POLN: variants seen among roughly 807,000 people sequenced by gnomAD.
POLN encodes DNA polymerase N.
In POLN, 108 loss-of-function variants were observed where a neutral mutation model predicts 113.5. The ratio of observed to expected loss-of-function variants is 0.95; its 90% confidence interval spans 0.81 to 1.12. POLN has a LOEUF of 1.12. POLN is among the 50% of genes most tolerant of loss of function. The pLI is 0.00. For synonymous variants in POLN, 386 were observed against 391.5 expected, an observed-to-expected ratio of 0.99 and a Z score of 0.17; for missense variants, 1,097 against 1,077.1, an observed-to-expected ratio of 1.02 and a Z score of -0.26.
chr4:2,090,412 G>A (rs1185264040), intron 20 of POLN: 4 of 614,500 alleles, frequency 6.5e-6, no homozygotes, highest in Non-Finnish European at 1.2e-5. Context: ...CTGATGGTTC[G>A]AAACATAATT....
chr4:2,077,593 A>G (rs1301888743), intron 23 of POLN, among the ~76,000 whole-genome samples: 1 of 152,276 alleles, frequency 6.6e-6, no homozygotes, highest in Non-Finnish European at 1.5e-5. Context: ...GGCCTCAGGC[A>G]GAAGTCTTTG....
At chr4:2,086,656 T>C (rs1356164838) in intron 20 of POLN, among the ~76,000 whole-genome samples, 2 of 152,068 alleles carry the variant, frequency 1.3e-5, no homozygotes, top group Non-Finnish European at 2.9e-5. Context: ...CATGAGAACA[T>C]CATCCCTTGC....
chr4:2,078,697 AAC>A (rs1730334732), intron 23 of POLN: 1 of 985,294 alleles, frequency 1.0e-6, no homozygotes, highest in South Asian at 4.7e-5. Flanking sequence ...ACGTTCACAA[AAC>A]ACAGACCATG....
At chr4:2,161,235 G>C (rs1054758877) in intron 13 of POLN, among the ~76,000 whole-genome samples, 1 of 152,244 alleles carries the variant, frequency 6.6e-6, no homozygotes, top group African/African-American at 2.4e-5. Context: ...GCCAAGGCGG[G>C]AGCCGGCTCC....
chr4:2,102,434 C>T (rs951344751), intron 19 of POLN, among the ~76,000 whole-genome samples: 2 of 152,210 alleles, frequency 1.3e-5, no homozygotes, highest in Non-Finnish European at 2.9e-5. Flanking sequence ...AAGCCCATTG[C>T]AACCACTGCC....
At chr4:2,092,112 C>G (rs34046585) in intron 20 of POLN, among the ~76,000 whole-genome samples, 124 of 152,334 alleles carry the variant, frequency 8.1e-4, no homozygotes, top group African/African-American at 2.9e-3. Flanking sequence ...ACCAGGGACT[C>G]CTGCAGATGC....
Position 2,229,139 on chromosome 4 carries a change from A to C in POLN, c.93T>G (p.Gly31=). 6.2e-7 allele frequency: 1 copy of C among 1,610,890 alleles called. No homozygotes were observed. The highest frequency in any genetic ancestry group is 8.5e-7 in the Non-Finnish European group (1 of 1,177,232). The stretch of plus-strand genomic sequence containing the variant: ...CCCAAGTCTTAGAATCCACTAAATC[A>C]CCTGAATGCATAGCAGACATAATCT... The part of the protein sequence containing the change: ...AQKIMSAMHS[G]DLVDSKTWGK... Residue 31 remains glycine, a synonymous_variant, in exon 3 of 26, where the codon GGT becomes GGG. Transcript: ENST00000511885.
chr4:2,198,347 G>T (rs1404169324), intron 6 of POLN, among the ~76,000 whole-genome samples, 177 bp downstream of exon 6: 1 of 152,160 alleles, frequency 6.6e-6, no homozygotes, highest in Non-Finnish European at 1.5e-5. Context: ...GATACTCTCT[G>T]GGAGAGAGAG....
intron 7 of POLN, among the ~76,000 whole-genome samples, chr4:2,181,104 A>T (rs1436952143): frequency 1.1e-5 from 1 of 87,112 alleles, no homozygotes; most frequent in Non-Finnish European, 1.9e-5. Flanking sequence ...TACTTAAAGT[A>T]AAAAAAAAAA....
intron 5 of POLN, among the ~76,000 whole-genome samples, chr4:2,203,237 C>T (rs1733759438): frequency 6.6e-6 from 1 of 152,124 alleles, no homozygotes; most frequent in Non-Finnish European, 1.5e-5. Context: ...AAATAACCTG[C>T]TCCTGAATGA....
intron 7 of POLN, among the ~76,000 whole-genome samples, chr4:2,179,983 T>C (rs952117861): frequency 2.0e-5 from 3 of 152,130 alleles, no homozygotes; most frequent in Non-Finnish European, 2.9e-5. Context: ...TCACTGAGTG[T>C]TGAACAGGTA....
chr4:2,131,664 C>T (rs1268445571), intron 16 of POLN, among the ~76,000 whole-genome samples: 1 of 152,184 alleles, frequency 6.6e-6, no homozygotes. Context: ...TTTTAGAACA[C>T]ATTTTAAGAT....
At chr4:2,189,638 C>T (rs867540574) in intron 7 of POLN, among the ~76,000 whole-genome samples, 2 of 140,498 alleles carry the variant, frequency 1.4e-5, no homozygotes, top group Non-Finnish European at 3.0e-5. Flanking sequence ...GACTCCATCT[C>T]AAACAAAAAA....
chr4:2,088,692 A>G, intron 20 of POLN: 1 of 916,590 alleles, frequency 1.1e-6, no homozygotes, highest in South Asian at 3.0e-5. Context: ...TACAACAGCC[A>G]TCAAGTTTTC....
At chr4:2,229,287 TAA>T in intron 2 of POLN, 44 bp from the exon 3 acceptor site, 1 of 1,421,192 alleles carries the variant, frequency 7.0e-7, no homozygotes. Flanking sequence ...ATATTAATCC[TAA>T]GACTATAAAA....
At chr4:2,078,986 G>A in intron 23 of POLN, 1 of 935,482 alleles carries the variant, frequency 1.1e-6, no homozygotes. Context: ...CTGGAGTGCA[G>A]TGGTATGATC....
intron 20 of POLN, among the ~76,000 whole-genome samples, chr4:2,095,149 G>T (rs183199349): frequency 2.6e-5 from 4 of 151,720 alleles, no homozygotes; most frequent in African/African-American, 9.7e-5. Flanking sequence ...GTGAGTGGAA[G>T]AGAGTAGAAG....
At chr4:2,104,866 G>T (rs376512497) in intron 19 of POLN, among the ~76,000 whole-genome samples, 3 of 152,188 alleles carry the variant, frequency 2.0e-5, no homozygotes, top group African/African-American at 4.8e-5. Context: ...GTGTGCTGTT[G>T]CTGTCACTCA....
chr4:2,158,809 C>T (rs562276000), intron 14 of POLN, among the ~76,000 whole-genome samples: 49 of 152,308 alleles, frequency 3.2e-4, no homozygotes, highest in African/African-American at 1.2e-3. Flanking sequence ...CTTGGCAGAC[C>T]TAGAAGCCAG....
Sources: allele counts gnomAD v4.1 joint callset (sites outside exome capture counted in the v4.1 genomes callset), GRCh38; gene constraint gnomAD v4.1.1; transcripts MANE v1.5; gene names NCBI Gene and HGNC (gene_info 2026-07-23, HGNC 2026-07-21).